The following FAR2 variants were observed in gnomAD, a reference collection of about 807,000 sequenced individuals.
The protein encoded by FAR2 is fatty acyl-CoA reductase 2, also known as epididymis secretory protein Li 81.
In FAR2, 19 loss-of-function variants were observed where a neutral mutation model predicts 56.0. The ratio of observed to expected loss-of-function variants is 0.34; its 90% confidence interval spans 0.24 to 0.50. The LOEUF is 0.50. FAR2 is among the 20% of genes least tolerant of loss of function. FAR2 has a pLI of 0.98. For missense variants in FAR2, 508 were observed against 642.2 expected (o/e 0.79, Z 2.26); for synonymous variants, 219 against 218.8 (o/e 1.00, Z -0.01).
chr12:29,299,433 T>A (rs1487120137), intron 4 of FAR2, among the ~76,000 whole-genome samples: 1 of 152,088 alleles, frequency 6.6e-6, no homozygotes. Flanking sequence ...CAAGTATATG[T>A]CAACCAGACA....
At chr12:29,325,941 C>CA (rs1177505709) in intron 10 of FAR2, among the ~76,000 whole-genome samples, 1 of 152,048 alleles carries the variant, frequency 6.6e-6, no homozygotes, top group Non-Finnish European at 1.5e-5. Flanking sequence ...AAAAACCCTT[C>CA]AAAAAATCAG....
intron 2 of FAR2, among the ~76,000 whole-genome samples, chr12:29,287,847 G>A (rs1049307708): frequency 2.4e-4 from 36 of 152,154 alleles, no homozygotes; most frequent in Non-Finnish European, 4.4e-4. Context: ...CATTGTAAGA[G>A]ACCATGTTAA....
chr12:29,156,262 TAA>T (rs1949726816), intron 1 of FAR2, among the ~76,000 whole-genome samples: 1 of 152,220 alleles, frequency 6.6e-6, no homozygotes, highest in Admixed American at 6.5e-5. Context: ...AAAAAAAAGA[TAA>T]GTGATGGCTA....
chr12:29,203,145 T>C (rs11050120), intron 1 of FAR2, among the ~76,000 whole-genome samples: 39,885 of 152,118 alleles, frequency 0.26, 5,627 homozygotes, highest in East Asian at 0.5. Context: ...AAAGAACTGA[T>C]ATTTTGTATT....
chr12:29,244,208 A>G (rs575278665), intron 1 of FAR2, among the ~76,000 whole-genome samples: 1 of 152,340 alleles, frequency 6.6e-6, no homozygotes, highest in African/African-American at 2.4e-5. Flanking sequence ...AAAAATGACT[A>G]TTTTGGTCAC....
At chr12:29,159,957 C>G (rs1226747391) in intron 1 of FAR2, among the ~76,000 whole-genome samples, 1 of 152,200 alleles carries the variant, frequency 6.6e-6, no homozygotes, top group Non-Finnish European at 1.5e-5. Flanking sequence ...ACCCCATTAT[C>G]TTCAGCTATC....
chr12:29,160,199 CA>C (rs1949769830), intron 1 of FAR2, among the ~76,000 whole-genome samples: 1 of 152,188 alleles, frequency 6.6e-6, no homozygotes, highest in Non-Finnish European at 1.5e-5. Flanking sequence ...ACTGTCAGTT[CA>C]GGAAAGATGC....
At chr12:29,223,939 C>T (rs1262624170) in intron 1 of FAR2, 3 of 152,206 alleles carry the variant, frequency 2.0e-5, no homozygotes, top group Non-Finnish European at 2.9e-5. Context: ...CTGTTGCTAA[C>T]GTTATTCACA....
intron 1 of FAR2, among the ~76,000 whole-genome samples, chr12:29,263,462 C>A (rs532927867): frequency 6.6e-6 from 1 of 151,942 alleles, no homozygotes; most frequent in East Asian, 1.9e-4. Flanking sequence ...TCTCTGGCCA[C>A]AATGGAGTAA....
At chr12:29,306,109 C>A (rs1175356428) in intron 4 of FAR2, among the ~76,000 whole-genome samples, 1 of 151,910 alleles carries the variant, frequency 6.6e-6, no homozygotes, top group South Asian at 2.1e-4. Flanking sequence ...TGTTGACCCA[C>A]CAAATGAAAT....
intron 1 of FAR2, among the ~76,000 whole-genome samples, chr12:29,161,963 T>C (rs1299505423): frequency 6.6e-6 from 1 of 152,176 alleles, no homozygotes; most frequent in African/African-American, 2.4e-5. Flanking sequence ...CATTTGTCTA[T>C]TGGGTTATCT....
intron 1 of FAR2, among the ~76,000 whole-genome samples, chr12:29,209,983 G>A (rs1020374389): frequency 2.6e-5 from 4 of 152,114 alleles, no homozygotes; most frequent in Non-Finnish European, 2.9e-5. Flanking sequence ...GAGGCAGGAA[G>A]ATTGCTTGAG....
At chr12:29,233,675 G>C (rs1947893832) in intron 1 of FAR2, among the ~76,000 whole-genome samples, 1 of 152,162 alleles carries the variant, frequency 6.6e-6, no homozygotes, top group African/African-American at 2.4e-5. Flanking sequence ...AGTCTTTACT[G>C]TATCAAGAGC....
intron 10 of FAR2, among the ~76,000 whole-genome samples, chr12:29,322,956 C>G (rs960740901): frequency 6.6e-6 from 1 of 152,228 alleles, no homozygotes; most frequent in Admixed American, 6.5e-5. Context: ...ACCCACTGTC[C>G]GGCACTCCCC....
In FAR2 at chr12:29,274,507, T is replaced by C. The variant is rs537581508; in HGVS notation, c.189+3869T>C. The stretch of plus-strand genomic sequence containing the variant: ...TGAATAGTGCCGCAATAAACATACA[T>C]GTGCATGTGTCTTTATAGCAGCATG... On this transcript the variant is annotated intron_variant, in intron 2 of 11. Coordinates refer to ENST00000536681, the MANE Select transcript of FAR2 (RefSeq NM_001271783.2). Among the ~76,000 whole-genome samples the C allele has an allele frequency of 3.5e-3, 539 of 152,236 alleles. 5 individuals are homozygous for C. Among genetic ancestry groups the C allele is most frequent in the African/African-American group, 0.012 (497 of 41,530 alleles).
At chr12:29,264,884 T>C (rs953288331) in intron 1 of FAR2, among the ~76,000 whole-genome samples, 55 of 147,818 alleles carry the variant, frequency 3.7e-4, no homozygotes, top group Non-Finnish European at 1.1e-4. Context: ...ATGCCCACAG[T>C]GGACACTCTG....
chr12:29,237,494 CAT>C (rs1241238015), intron 1 of FAR2, among the ~76,000 whole-genome samples: 2 of 152,166 alleles, frequency 1.3e-5, no homozygotes, highest in Non-Finnish European at 2.9e-5. Flanking sequence ...CCCTTGTGCA[CAT>C]GTCTTTAATA....
chr12:29,185,110 G>T (rs1024470697), intron 1 of FAR2, among the ~76,000 whole-genome samples: 2 of 152,066 alleles, frequency 1.3e-5, no homozygotes, highest in African/African-American at 4.8e-5. Flanking sequence ...TATTACCTCA[G>T]TAAGACATAA....
chr12:29,320,846 T>C (rs1411408355), intron 9 of FAR2, among the ~76,000 whole-genome samples: 1 of 152,174 alleles, frequency 6.6e-6, no homozygotes, highest in African/African-American at 2.4e-5. Flanking sequence ...GACCACAAGA[T>C]TGGACAGTGT....
Sources: allele counts gnomAD v4.1 joint callset (sites outside exome capture counted in the v4.1 genomes callset), GRCh38; gene constraint gnomAD v4.1.1; transcripts MANE v1.5; gene names NCBI Gene and HGNC (gene_info 2026-07-23, HGNC 2026-07-21).